The following SETBP1 variants were observed in gnomAD, a reference collection of about 807,000 sequenced individuals.
The protein encoded by SETBP1 is SET binding protein 1.
Under a neutral mutation model 101.0 loss-of-function variants are expected in SETBP1, and 9 were observed. The ratio of observed to expected loss-of-function variants is 0.09; its 90% confidence interval spans 0.05 to 0.16. The LOEUF (loss-of-function observed/expected upper bound fraction) is 0.16, where lower values mean the gene tolerates loss of function less well. Among genes scored for constraint, SETBP1 ranks in the 10% least tolerant of loss-of-function variants. The probability of loss-of-function intolerance (pLI) is 1.00; values close to 1 mark genes in which losing one functional copy is unlikely to be tolerated. For missense variants in SETBP1, 1,858 were observed against 2,033.8 expected (o/e 0.91, Z 1.66); for synonymous variants, 818 against 788.5 (o/e 1.04, Z -0.63).
intron 4 of SETBP1, among the ~76,000 whole-genome samples, chr18:44,994,956 C>A (rs2072458459): frequency 6.6e-6 from 1 of 152,034 alleles, no homozygotes; most frequent in Admixed American, 6.6e-5. Context: ...TCAAGATACT[C>A]CCAAGCCTTT....
rs190522460 is a variant in SETBP1, at chr18:44,930,331, G to C, written c.541-19550G>C. On this transcript the variant is annotated intron_variant, in intron 3 of 5. Coordinates refer to ENST00000649279, the MANE Select transcript of SETBP1 (RefSeq NM_015559.3). ...AGCTTTTTGATGTGCTGCTGGATTCGGTTTGCCAGTATTTTTTTGAGGATT... is the reference window on the plus strand; with the variant it reads ...AGCTTTTTGATGTGCTGCTGGATTCCGTTTGCCAGTATTTTTTTGAGGATT... 6.5e-3 allele frequency among the ~76,000 whole-genome samples: 996 copies of C among 152,194 alleles called. 9 individuals are homozygous for C. Among genetic ancestry groups the C allele is most frequent in the African/African-American group, 0.023 (966 of 41,516 alleles).
chr18:44,833,472 C>G (rs560273976), intron 2 of SETBP1, among the ~76,000 whole-genome samples: 1 of 152,276 alleles, frequency 6.6e-6, no homozygotes, highest in South Asian at 2.1e-4. Flanking sequence ...GAAGTACAGG[C>G]ATGGGTACCA....
At chr18:44,886,998 T>C (rs573695323) in intron 3 of SETBP1, among the ~76,000 whole-genome samples, 47 of 152,076 alleles carry the variant, frequency 3.1e-4, no homozygotes, top group Non-Finnish European at 6.5e-4. Context: ...ATTGGTAAAT[T>C]AGTGAGTAGT....
intron 2 of SETBP1, among the ~76,000 whole-genome samples, chr18:44,831,152 T>A (rs935509005): frequency 1.1e-4 from 17 of 152,228 alleles, no homozygotes; most frequent in African/African-American, 4.1e-4. Context: ...TTTGTGAACA[T>A]TGCCTATGAT....
intron 2 of SETBP1, among the ~76,000 whole-genome samples, chr18:44,830,890 C>G (rs2072348442): frequency 6.6e-6 from 1 of 152,054 alleles, no homozygotes; most frequent in Non-Finnish European, 1.5e-5. Flanking sequence ...TGTGTTTTCT[C>G]CAGTTTGAAG....
At chr18:44,690,264 T>C (rs181050269) in intron 1 of SETBP1, among the ~76,000 whole-genome samples, 1 of 152,326 alleles carries the variant, frequency 6.6e-6, no homozygotes. Context: ...AGAGGAGATA[T>C]ATCACAGAGA....
chr18:45,024,473 C>A (rs2073127025), intron 4 of SETBP1, among the ~76,000 whole-genome samples: 1 of 152,176 alleles, frequency 6.6e-6, no homozygotes, highest in East Asian at 1.9e-4. Context: ...CCAAACCTCC[C>A]CAATGACAGT....
chr18:44,943,975 CAGGT>C (rs753981269), intron 3 of SETBP1, among the ~76,000 whole-genome samples: 2 of 152,036 alleles, frequency 1.3e-5, no homozygotes, highest in African/African-American at 2.4e-5. Flanking sequence ...GCTGGGATTA[CAGGT>C]GCACGCCATG....
chr18:44,680,558 A>G (rs1325932190), upstream of SETBP1, among the ~76,000 whole-genome samples: 5 of 151,820 alleles, frequency 3.3e-5, no homozygotes, highest in Non-Finnish European at 7.4e-5. Flanking sequence ...GGGAAGGGGG[A>G]GACCGGGCCG....
At chr18:44,816,617 C>A (rs1175665113) in intron 2 of SETBP1, among the ~76,000 whole-genome samples, 1 of 152,124 alleles carries the variant, frequency 6.6e-6, no homozygotes, top group African/African-American at 2.4e-5. Context: ...AAAGAAGGGG[C>A]GTAGCCTTTC....
chr18:44,807,956 G>A (rs2071782620), intron 2 of SETBP1, among the ~76,000 whole-genome samples: 1 of 152,154 alleles, frequency 6.6e-6, no homozygotes, highest in Non-Finnish European at 1.5e-5. Context: ...TACCCTCAGG[G>A]TCAACAAAGC....
chr18:45,051,520 GA>G (rs1202096374), intron 5 of SETBP1, among the ~76,000 whole-genome samples: 3 of 152,050 alleles, frequency 2.0e-5, no homozygotes, highest in Non-Finnish European at 2.9e-5. Flanking sequence ...GAATATATGG[GA>G]AACCTCTGTC....
At chr18:44,875,527 C>CAAA (rs10645515) in intron 3 of SETBP1, among the ~76,000 whole-genome samples, 23,419 of 61,288 alleles carry the variant, frequency 0.38, 4,532 homozygotes, top group African/African-American at 0.42. Flanking sequence ...GACTCCATCT[C>CAAA]AAAAAAAAAA....
At chr18:45,020,293 A>AAAAAAAAAAG (rs1568032212) in intron 4 of SETBP1, among the ~76,000 whole-genome samples, 23 of 133,984 alleles carry the variant, frequency 1.7e-4, no homozygotes, top group African/African-American at 6.4e-4. Context: ...AAAAAAAAAA[A>AAAAAAAAAAG]AAGTGGCTTC....
chr18:44,806,065 T>C (rs1335243971), intron 2 of SETBP1, among the ~76,000 whole-genome samples: 1 of 152,126 alleles, frequency 6.6e-6, no homozygotes, highest in African/African-American at 2.4e-5. Flanking sequence ...ACACACTTCT[T>C]GATATTTCTG....
At chr18:44,905,314 G>T (rs2070147233) in intron 3 of SETBP1, among the ~76,000 whole-genome samples, 1 of 152,182 alleles carries the variant, frequency 6.6e-6, no homozygotes, top group East Asian at 1.9e-4. Flanking sequence ...AATATGCAGT[G>T]ATTGCTAAAA....
intron 3 of SETBP1, among the ~76,000 whole-genome samples, chr18:44,947,071 C>T (rs2071223839): frequency 6.6e-6 from 1 of 152,142 alleles, no homozygotes; most frequent in African/African-American, 2.4e-5. Flanking sequence ...CCTAGTACTT[C>T]TGTGATGGTG....
At chr18:45,004,705 A>G (rs2072688697) in intron 4 of SETBP1, among the ~76,000 whole-genome samples, 1 of 152,142 alleles carries the variant, frequency 6.6e-6, no homozygotes, top group South Asian at 2.1e-4. Flanking sequence ...CTCATAACAT[A>G]TCTATTTACA....
intron 2 of SETBP1, among the ~76,000 whole-genome samples, chr18:44,748,893 A>C (rs1403776454): frequency 6.6e-6 from 1 of 152,210 alleles, no homozygotes; most frequent in African/African-American, 2.4e-5. Context: ...ACTCGCAGAC[A>C]GGTGAAGAGA....
Sources: allele counts gnomAD v4.1 joint callset (sites outside exome capture counted in the v4.1 genomes callset), GRCh38; gene constraint gnomAD v4.1.1; transcripts MANE v1.5; gene names NCBI Gene and HGNC (gene_info 2026-07-23, HGNC 2026-07-21).